Variants in NRXN3 observed in about 807,000 individuals in gnomAD.
NRXN3 encodes neurexin III.
In NRXN3, 32 loss-of-function variants were observed where a neutral mutation model predicts 137.6. The observed-to-expected ratio is 0.23, with a 90% CI of 0.18 to 0.31. The LOEUF (loss-of-function observed/expected upper bound fraction) is 0.31. Among genes scored for constraint, NRXN3 ranks in the 10% least tolerant of loss-of-function variants. NRXN3 has a pLI of 1.00. For missense variants in NRXN3, 1,574 were observed against 2,062.5 expected (o/e 0.76, Z 4.59); for synonymous variants, 798 against 784.5 (o/e 1.02, Z -0.29).
intron 8 of NRXN3, among the ~76,000 whole-genome samples, chr14:78,767,968 T>C (rs8016198): frequency 0.083 from 12,644 of 151,698 alleles, 591 homozygotes; most frequent in South Asian, 0.17. Context: ...TAGTAGAAAT[T>C]CCCACATATA....
At chr14:78,773,593 G>A (rs898383184) in intron 8 of NRXN3, among the ~76,000 whole-genome samples, 5 of 152,090 alleles carry the variant, frequency 3.3e-5, no homozygotes, top group Admixed American at 6.5e-5. Context: ...AAGTTTAGAA[G>A]CTTCAGTTGA....
intron 4 of NRXN3, among the ~76,000 whole-genome samples, chr14:78,402,752 C>A (rs900872580): frequency 3.3e-5 from 5 of 152,164 alleles, no homozygotes; most frequent in African/African-American, 1.2e-4. Flanking sequence ...CACCTGTGCT[C>A]ATTTCTAAAA....
At chr14:79,673,266 G>A (rs2098621219) in intron 17 of NRXN3, among the ~76,000 whole-genome samples, 1 of 151,976 alleles carries the variant, frequency 6.6e-6, no homozygotes, top group African/African-American at 2.4e-5. Flanking sequence ...TCCATAAGAT[G>A]CATTTCTTTT....
intron 8 of NRXN3, among the ~76,000 whole-genome samples, chr14:78,775,863 T>A (rs1356166006): frequency 2.0e-5 from 3 of 152,240 alleles, no homozygotes. Flanking sequence ...AACTATTAAA[T>A]GGAACATTCC....
chr14:78,348,650 C>T (rs190336084), intron 4 of NRXN3, among the ~76,000 whole-genome samples: 109 of 152,294 alleles, frequency 7.2e-4, no homozygotes, highest in African/African-American at 2.2e-3. Flanking sequence ...GTGTGGTCCC[C>T]GGACCAACAG....
intron 8 of NRXN3, among the ~76,000 whole-genome samples, chr14:78,771,874 C>G (rs1341665234): frequency 2.0e-5 from 3 of 152,092 alleles, no homozygotes; most frequent in African/African-American, 7.2e-5. Flanking sequence ...ATTGAGTATT[C>G]CTTATCTAAA....
At chr14:79,321,522 T>A (rs961649838) in intron 15 of NRXN3, among the ~76,000 whole-genome samples, 8 of 152,156 alleles carry the variant, frequency 5.3e-5, no homozygotes, top group African/African-American at 1.9e-4. Context: ...ATTATAGTAC[T>A]AAGAATGCTG....
chr14:78,457,886 T>C (rs899061897), intron 4 of NRXN3, among the ~76,000 whole-genome samples: 1 of 152,158 alleles, frequency 6.6e-6, no homozygotes, highest in Non-Finnish European at 1.5e-5. Context: ...CTCTGAATCC[T>C]GATGCCCATG....
chr14:79,299,064 G>C (rs2084694278), intron 15 of NRXN3, among the ~76,000 whole-genome samples: 1 of 152,170 alleles, frequency 6.6e-6, no homozygotes, highest in Non-Finnish European at 1.5e-5. Context: ...TTTTTATCTT[G>C]ATTTAGAGGG....
chr14:78,396,312 C>T (rs1262451124), intron 4 of NRXN3, among the ~76,000 whole-genome samples: 1 of 152,108 alleles, frequency 6.6e-6, no homozygotes, highest in Non-Finnish European at 1.5e-5. Flanking sequence ...ATTTTGCCTA[C>T]ATGTAGTTAG....
At chr14:78,779,020 G>A (rs1334117717) in intron 8 of NRXN3, among the ~76,000 whole-genome samples, 1 of 151,884 alleles carries the variant, frequency 6.6e-6, no homozygotes, top group Non-Finnish European at 1.5e-5. Flanking sequence ...CCTGGAAAAT[G>A]AAATCAACTT....
intron 10 of NRXN3, among the ~76,000 whole-genome samples, chr14:78,943,617 A>AT (rs2099358021): frequency 7.4e-5 from 3 of 40,530 alleles, no homozygotes; most frequent in African/African-American, 1.3e-4. Context: ...TGTTAAAAAA[A>AT]AAAAATATAT....
chr14:78,384,254 G>T (rs965487277), intron 4 of NRXN3, among the ~76,000 whole-genome samples: 1 of 151,994 alleles, frequency 6.6e-6, no homozygotes, highest in African/African-American at 2.4e-5. Context: ...GTATCCAATT[G>T]GTTGAGCCTG....
intron 4 of NRXN3, among the ~76,000 whole-genome samples, chr14:78,513,493 T>C (rs1475046443): frequency 6.6e-6 from 1 of 152,120 alleles, no homozygotes; most frequent in African/African-American, 2.4e-5. Flanking sequence ...TTGTTAATTA[T>C]AGTTTTCGAA....
intron 15 of NRXN3, among the ~76,000 whole-genome samples, chr14:79,397,725 A>G (rs542189846): frequency 9.8e-5 from 15 of 152,320 alleles, no homozygotes; most frequent in African/African-American, 3.6e-4. Context: ...ATGGGCAAGG[A>G]AAGAGTGTTG....
chr14:79,753,626 C>T (rs1476507393), intron 19 of NRXN3, among the ~76,000 whole-genome samples: 4 of 150,526 alleles, frequency 2.7e-5, no homozygotes, highest in South Asian at 2.1e-4. Context: ...TGCTAAATGA[C>T]GAGTTAATGG....
chr14:79,082,391 TTGTGTG>T (rs57728169), intron 15 of NRXN3, among the ~76,000 whole-genome samples: 2 of 147,026 alleles, frequency 1.4e-5, no homozygotes, highest in South Asian at 2.2e-4. Context: ...TGCAAACTAA[TTGTGTG>T]TGTGTGTGTG....
intron 15 of NRXN3, among the ~76,000 whole-genome samples, chr14:79,013,033 C>T (rs565211761): frequency 7.0e-4 from 106 of 152,200 alleles, no homozygotes; most frequent in African/African-American, 2.4e-3. Flanking sequence ...AAGGTGGTAG[C>T]GAAACACATG....
intron 15 of NRXN3, among the ~76,000 whole-genome samples, chr14:79,121,802 T>C (rs1415926154): frequency 2.0e-5 from 3 of 152,218 alleles, no homozygotes; most frequent in African/African-American, 7.2e-5. Flanking sequence ...ACAGTTAATA[T>C]AGCATAGAAA....
Sources: allele counts gnomAD v4.1 joint callset (sites outside exome capture counted in the v4.1 genomes callset), GRCh38; gene constraint gnomAD v4.1.1; transcripts MANE v1.5; gene names NCBI Gene and HGNC (gene_info 2026-07-23, HGNC 2026-07-21).